DGLUCY: variants seen among roughly 807,000 people sequenced by gnomAD.
DGLUCY encodes the protein D-glutamate cyclase.
A neutral mutation model predicts 58.5 loss-of-function variants in DGLUCY; 58 were observed. That is an observed-to-expected ratio of 0.99 (90% confidence interval 0.80 to 1.23). DGLUCY has a LOEUF of 1.23. DGLUCY is among the 50% of genes most tolerant of loss of function. DGLUCY has a pLI of 0.00. For synonymous variants in DGLUCY, 325 were observed against 314.1 expected, an observed-to-expected ratio of 1.03 and a Z score of -0.37; for missense variants, 779 against 784.7, an observed-to-expected ratio of 0.99 and a Z score of 0.09.
At chr14:91,101,970 G>A (rs1486272033) in intron 1 of DGLUCY, among the ~76,000 whole-genome samples, 19 of 152,130 alleles carry the variant, frequency 1.2e-4, no homozygotes, top group Admixed American at 1.2e-3. Context: ...TGAAATTAGA[G>A]GCGTGAACCA....
intron 1 of DGLUCY, among the ~76,000 whole-genome samples, chr14:91,142,705 T>C (rs1000793549): frequency 6.6e-6 from 1 of 151,912 alleles, no homozygotes. Context: ...ATGCCTGTAA[T>C]CCCAGCACTT....
upstream of DGLUCY, among the ~76,000 whole-genome samples, chr14:91,109,825 A>G (rs2044663212): frequency 6.6e-6 from 1 of 152,186 alleles, no homozygotes; most frequent in Admixed American, 6.5e-5. Flanking sequence ...AGGAATTTGG[A>G]GGGGATATAA....
intron 13 of DGLUCY, among the ~76,000 whole-genome samples, chr14:91,217,525 C>T (rs2140753371): frequency 6.7e-6 from 1 of 149,486 alleles, no homozygotes; most frequent in African/African-American, 2.4e-5. Flanking sequence ...GCTCTTGTCA[C>T]CCAGGCTGGA....
At chr14:91,149,010 G>T (rs1366324582) in intron 1 of DGLUCY, among the ~76,000 whole-genome samples, 1 of 151,998 alleles carries the variant, frequency 6.6e-6, no homozygotes, top group Admixed American at 6.6e-5. Flanking sequence ...CACTTTGGGA[G>T]GCCGAGGCGG....
intron 1 of DGLUCY, among the ~76,000 whole-genome samples, chr14:91,100,528 A>C (rs1442371026): frequency 6.6e-6 from 1 of 152,210 alleles, no homozygotes; most frequent in Non-Finnish European, 1.5e-5. Flanking sequence ...CTCAAGGTGT[A>C]CCATACTCTG....
At chr14:91,174,243 C>T (rs563193394) in intron 6 of DGLUCY, among the ~76,000 whole-genome samples, 15 of 149,750 alleles carry the variant, frequency 1.0e-4, no homozygotes, top group African/African-American at 3.8e-4. Flanking sequence ...TTCCCCCACA[C>T]CTTGCCCTGG....
chr14:91,130,226 C>T (rs75070494), intron 1 of DGLUCY, among the ~76,000 whole-genome samples: 1,669 of 152,170 alleles, frequency 0.011, 18 homozygotes, highest in Admixed American at 0.019. Context: ...TTGTCAACCC[C>T]ACAAGTGTGG....
chr14:91,224,996 G>A lies in DGLUCY; in HGVS notation c.*163G>A, dbSNP rs542252129. 1.3e-5 allele frequency: 10 copies of A among 749,664 alleles called. No homozygotes were observed. Among genetic ancestry groups the A allele is most frequent in the African/African-American group, 1.3e-4 (7 of 55,808 alleles). 46.4% of individuals were successfully genotyped at this position (749,664 alleles called of 1,614,324 possible). A position where few individuals can be genotyped will look rare whatever the true frequency, so the allele number is the denominator to read the frequency against. On this transcript the variant is annotated 3_prime_UTR_variant, in exon 14 of 14. Transcript: ENST00000256324. ...ACTGCATGCCCACTTTCTGGGAGGG[G>A]TTAGTGCAGGTGCTGTGGACAAAGG... is the stretch of plus-strand genomic sequence containing the variant.
chr14:91,207,008 A>T (rs1340839677), intron 12 of DGLUCY, among the ~76,000 whole-genome samples: 1 of 152,046 alleles, frequency 6.6e-6, no homozygotes, highest in East Asian at 1.9e-4. Context: ...CAATTTAAAA[A>T]TTAGCCAGGT....
chr14:91,162,570 C>G (rs1225880858), intron 3 of DGLUCY, among the ~76,000 whole-genome samples: 1 of 151,964 alleles, frequency 6.6e-6, no homozygotes, highest in Non-Finnish European at 1.5e-5. Context: ...TGAACAAAAC[C>G]AAAACAAAAC....
chr14:91,116,035 A>G (rs1172522159), intron 1 of DGLUCY, among the ~76,000 whole-genome samples: 1 of 152,194 alleles, frequency 6.6e-6, no homozygotes, highest in Non-Finnish European at 1.5e-5. Flanking sequence ...CCAAGTGCAC[A>G]GGTATATGCT....
At chr14:91,219,030 A>C (rs1460996511) in intron 13 of DGLUCY, among the ~76,000 whole-genome samples, 1 of 151,912 alleles carries the variant, frequency 6.6e-6, no homozygotes, top group Non-Finnish European at 1.5e-5. Context: ...AAATACAAAA[A>C]TTAGCCAGGC....
Position 91,062,611 on chromosome 14 carries a change from A to ATATATAT in DGLUCY, c.-82+1907_-82+1908insTATATAT, listed in dbSNP as rs1491583254. Among the ~76,000 whole-genome samples, 83 of 25,056 alleles carry ATATATAT rather than the reference A, an allele frequency of 3.3e-3. 1 individual carries two copies. Among genetic ancestry groups the ATATATAT allele is most frequent in the South Asian group, 6.9e-3 (3 of 436 alleles). 16.4% of individuals were successfully genotyped at this position (25,056 alleles called of 152,430 possible). A position where few individuals can be genotyped will look rare whatever the true frequency, so the allele number is the denominator to read the frequency against. On this transcript the variant is annotated intron_variant, in intron 1 of 4. Transcript: ENST00000521334. ...TATATATATATATATATATATATAT[A>ATATATAT]AACAATCCTTAGCTCAAGGGCAGTT...
chr14:91,101,439 A>G (rs1259006021), intron 1 of DGLUCY, among the ~76,000 whole-genome samples: 1 of 152,154 alleles, frequency 6.6e-6, no homozygotes, highest in Non-Finnish European at 1.5e-5. Context: ...AGGTTAGGCC[A>G]CCTCTTGGCG....
intron 1 of DGLUCY, among the ~76,000 whole-genome samples, chr14:91,149,953 G>T (rs1288361125): frequency 6.6e-6 from 1 of 152,052 alleles, no homozygotes; most frequent in African/African-American, 2.4e-5. Context: ...GGGTGCGGTG[G>T]CTCACACCTG....
chr14:91,187,504 G>A (rs545782199), intron 8 of DGLUCY, among the ~76,000 whole-genome samples: 1 of 152,302 alleles, frequency 6.6e-6, no homozygotes, highest in African/African-American at 2.4e-5. Context: ...GCCTGGCTTG[G>A]TGGCCACTGG....
rs575607746 is a variant in DGLUCY at position 91,095,450 on chromosome 14, A to G, written c.-82+34746A>G. 7.9e-5 allele frequency among the ~76,000 whole-genome samples: 12 copies of G among 152,276 alleles called. No individual in the cohort carries two copies. The South Asian group carries it at 1.9e-3, about 24-fold the overall frequency. ...AGGGTGCTTGTCACCGCATCTTTAC[A>G]CGTGAAGGCAAGTGGCTATGACGTG... On this transcript the variant is annotated intron_variant, in intron 1 of 4. Coordinates refer to the DGLUCY transcript ENST00000521334.
intron 12 of DGLUCY, among the ~76,000 whole-genome samples, chr14:91,211,991 C>T (rs546662389): frequency 1.3e-5 from 2 of 152,000 alleles, no homozygotes; most frequent in African/African-American, 2.4e-5. Flanking sequence ...TTAATAGAGA[C>T]GGGGTTTCAC....
At chr14:91,102,478 C>G (rs907438337) in intron 1 of DGLUCY, among the ~76,000 whole-genome samples, 1 of 152,084 alleles carries the variant, frequency 6.6e-6, no homozygotes, top group East Asian at 1.9e-4. Flanking sequence ...GCTGCCACCC[C>G]CTCCTCCTCC....
Sources: allele counts gnomAD v4.1 joint callset (sites outside exome capture counted in the v4.1 genomes callset), GRCh38; gene constraint gnomAD v4.1.1; transcripts MANE v1.5; gene names NCBI Gene and HGNC (gene_info 2026-07-23, HGNC 2026-07-21).